DLGAP3: variants seen among roughly 807,000 people sequenced by gnomAD.
DLGAP3 encodes the protein disks large-associated protein 3.
DLGAP3 carries 17 observed loss-of-function variants against 81.2 expected under a neutral mutation model. The ratio of observed to expected loss-of-function variants is 0.21; its 90% CI spans 0.14 to 0.31. DLGAP3 has a LOEUF of 0.31. DLGAP3 is among the 10% of genes least tolerant of loss of function. The pLI is 1.00. For missense variants in DLGAP3, 1,124 were observed against 1,388.0 expected (o/e 0.81, Z 3.02); for synonymous variants, 577 against 587.4 (o/e 0.98, Z 0.26).
At position 34,866,153 on chromosome 1, in the gene DLGAP3, C is replaced by A. The variant is rs897739081; in HGVS notation, c.2870G>T (p.Arg957Leu). 1 of 1,597,936 alleles carries A rather than the reference C, an allele frequency of 6.3e-7. No homozygotes were observed. Among genetic ancestry groups the A allele is most frequent in the Non-Finnish European group, 8.5e-7 (1 of 1,178,838 alleles). The change falls in exon 12 of 12, where the codon CGC becomes CTC. Residue 957 changes from arginine (R) to leucine (L), a missense_variant. Around this residue, in one of 9 missense-constraint regions of DLGAP3, gnomAD observed 133 missense variants for 171.1 expected, o/e 0.78. Transcript: ENST00000373347. ...GGCGCTCTCGGTGGCCGAGCTGTGGCGGAAGGAAGCGGCGCGCTTGGCCGC... is the reference window on the plus strand; with the variant it reads ...GGCGCTCTCGGTGGCCGAGCTGTGGAGGAAGGAAGCGGCGCGCTTGGCCGC... Reference protein sequence around the residue: ...LLAAKRAASFRHSSATESADS... With the variant: ...LLAAKRAASFLHSSATESADS...
intron 5 of DLGAP3, among the ~76,000 whole-genome samples, chr1:34,898,854 T>A (rs1394815659): frequency 6.6e-6 from 1 of 152,206 alleles, no homozygotes; most frequent in East Asian, 1.9e-4. Flanking sequence ...AAATGCCATT[T>A]TTGGGCCAAG....
At chr1:34,874,836 T>G (rs927670096) in intron 8 of DLGAP3, among the ~76,000 whole-genome samples, 35 of 119,862 alleles carry the variant, frequency 2.9e-4, no homozygotes, top group African/African-American at 5.4e-4. Context: ...GGAGGGGGAG[T>G]GGGCAGGGAG....
At chr1:34,918,383 C>A (rs772552186) in intron 1 of DLGAP3, among the ~76,000 whole-genome samples, 2 of 152,176 alleles carry the variant, frequency 1.3e-5, no homozygotes, top group Non-Finnish European at 2.9e-5. Flanking sequence ...CTGCTCAATG[C>A]GGAGCTGATG....
At chr1:34,886,765 G>A (rs993970317) in intron 5 of DLGAP3, among the ~76,000 whole-genome samples, 9 of 151,234 alleles carry the variant, frequency 6.0e-5, no homozygotes, top group South Asian at 4.2e-4. Context: ...TGAAAGCTCT[G>A]TGTATATATA....
chr1:34,886,943 CTTTTTTTTTTTTT>C (rs949966445), intron 5 of DLGAP3, among the ~76,000 whole-genome samples: 23 of 64,312 alleles, frequency 3.6e-4, no homozygotes, highest in African/African-American at 1.3e-3. Flanking sequence ...CCCCCACCTT[CTTTTTTTTTTTTT>C]TTTTTTTTTT....
chr1:34,882,096 T>C (rs1481147888), intron 8 of DLGAP3, among the ~76,000 whole-genome samples: 3 of 152,244 alleles, frequency 2.0e-5, no homozygotes, highest in Non-Finnish European at 4.4e-5. Context: ...CCATCATGAT[T>C]TTCAGATAAC....
chr1:34,867,027 C>CT lies in DLGAP3; in HGVS notation c.2721+20dup. The CT allele has an allele frequency of 1.2e-6, 2 of 1,613,966 alleles. No homozygotes were observed. The highest frequency in any genetic ancestry group is 1.7e-6 in the Non-Finnish European group (2 of 1,179,876). Reference sequence around the variant, plus strand: ...ATTTCCCAGAGTCTGGCCTCTTTGCCTGAAGGCACCCCAGCCCCACCTTAG... The same window carrying CT: ...ATTTCCCAGAGTCTGGCCTCTTTGCCTTGAAGGCACCCCAGCCCCACCTTAG... On this transcript the variant is annotated intron_variant, in intron 11 of 11. Transcript: ENST00000373347. The surrounding 1 kb of genome is among the most constrained non-coding windows in gnomAD (Gnocchi z 4.3).
chr1:34,912,429 G>C (rs141938886), intron 1 of DLGAP3, among the ~76,000 whole-genome samples: 1 of 152,302 alleles, frequency 6.6e-6, no homozygotes, highest in East Asian at 1.9e-4. Context: ...GACTTCAAAA[G>C]TCAAATTTTA....
At chr1:34,889,550 T>G (rs994638038) in intron 5 of DLGAP3, among the ~76,000 whole-genome samples, 1 of 152,218 alleles carries the variant, frequency 6.6e-6, no homozygotes. Context: ...CAGACTGGAA[T>G]CAGTAGCCAT....
chr1:34,885,856 G>A, intron 6 of DLGAP3, 65 bp from the exon 7 acceptor site: 1 of 1,313,022 alleles, frequency 7.6e-7, no homozygotes, highest in Non-Finnish European at 1.0e-6. Context: ...TCCTGGGCCC[G>A]CGCCCGACTC....
intron 5 of DLGAP3, among the ~76,000 whole-genome samples, chr1:34,890,802 C>T (rs1374032922): frequency 6.6e-6 from 1 of 152,220 alleles, no homozygotes; most frequent in East Asian, 1.9e-4. Flanking sequence ...TCGCACCCAG[C>T]CAGGCTGCAC....
intron 1 of DLGAP3, among the ~76,000 whole-genome samples, chr1:34,910,206 A>G (rs1040003395): frequency 6.6e-6 from 1 of 152,178 alleles, no homozygotes; most frequent in Non-Finnish European, 1.5e-5. Context: ...TCTACATGTG[A>G]TAAGGAATGC....
At position 34,882,878 on chromosome 1, in the gene DLGAP3, A is replaced by G. The variant is rs181651156; in HGVS notation, c.2000+2100T>C. Among the ~76,000 whole-genome samples the G allele has an allele frequency of 6.2e-3, 942 of 152,178 alleles. 9 individuals are homozygous for G. Among genetic ancestry groups the G allele is most frequent in the Non-Finnish European group, 0.01 (691 of 67,992 alleles). On this transcript the variant is annotated intron_variant, in intron 8 of 11. Transcript: ENST00000373347. ...TCCCCTGCCCCACTCCACACCAGCC[A>G]CATGGACCTTCTTTCAGTTCCCGAT...
rs766065760 is a variant in DLGAP3 at position 34,899,648 on chromosome 1, G to A, written c.1386+21C>T. 3.1e-6 allele frequency: 5 copies of A among 1,595,518 alleles called. No homozygotes were observed. In the South Asian group the frequency reaches 5.5e-5, roughly 18 times the overall value. ...ATCCCTTTTTCACTCTTTCCTCCAG[G>A]CATACTGGGCCTCTCCCTACCTGTC... is the stretch of plus-strand genomic sequence containing the variant. On this transcript the variant is annotated intron_variant, in intron 5 of 11. Transcript: ENST00000373347.
intron 5 of DLGAP3, among the ~76,000 whole-genome samples, chr1:34,889,351 A>C (rs781014046): frequency 6.6e-6 from 1 of 152,208 alleles, no homozygotes; most frequent in African/African-American, 2.4e-5. Context: ...ACGGACTCAG[A>C]GACTCTCAGA....
intron 1 of DLGAP3, among the ~76,000 whole-genome samples, chr1:34,923,164 C>T (rs1295008494): frequency 1.3e-5 from 2 of 152,168 alleles, no homozygotes; most frequent in Admixed American, 1.3e-4. Flanking sequence ...AAAATCCTTC[C>T]TCCCAGCACC....
At chr1:34,892,642 C>G (rs1639329298) in intron 5 of DLGAP3, among the ~76,000 whole-genome samples, 1 of 152,060 alleles carries the variant, frequency 6.6e-6, no homozygotes, top group African/African-American at 2.4e-5. Context: ...CTCCACTTCC[C>G]AAGTGGCTAG....
chr1:34,886,943 CTTTTTTTTTTTT>C (rs949966445), intron 5 of DLGAP3, among the ~76,000 whole-genome samples: 4 of 64,312 alleles, frequency 6.2e-5, no homozygotes, highest in African/African-American at 6.0e-5. Flanking sequence ...CCCCCACCTT[CTTTTTTTTTTTT>C]TTTTTTTTTT....
intron 8 of DLGAP3, among the ~76,000 whole-genome samples, chr1:34,879,476 G>A (rs1417539807): frequency 6.6e-6 from 1 of 152,156 alleles, no homozygotes; most frequent in Non-Finnish European, 1.5e-5. Context: ...CTGCTGTGCC[G>A]CCTGGTTCCC....
Sources: gnomAD v4.1 joint callset for allele counts (sites outside exome capture counted in the v4.1 genomes callset) on GRCh38, gnomAD v4.1.1 for gene constraint, gnomAD v4.1.1 regional missense constraint, Gnocchi (gnomAD v3.1) non-coding constraint, MANE v1.5 for transcripts, NCBI Gene and HGNC (gene_info 2026-07-23, HGNC 2026-07-21) for gene names.